Variants in PREX1 observed in about 807,000 individuals in gnomAD.
PREX1 encodes the protein phosphatidylinositol-3,4,5-trisphosphate dependent Rac exchange factor 1.
Under a neutral mutation model 198.3 loss-of-function variants are expected in PREX1, and 41 were observed. The observed-to-expected ratio is 0.21, with a 90% CI of 0.16 to 0.27. The LOEUF is 0.27. PREX1 is among the 10% of genes least tolerant of loss of function. The pLI is 1.00. For missense variants in PREX1, 1,620 were observed against 2,200.7 expected (o/e 0.74, Z 5.28); for synonymous variants, 843 against 887.2 (o/e 0.95, Z 0.89).
At chr20:48,636,967 G>C (rs1294528618) in intron 31 of PREX1, among the ~76,000 whole-genome samples, 1 of 152,200 alleles carries the variant, frequency 6.6e-6, no homozygotes, top group African/African-American at 2.4e-5. Flanking sequence ...TTTTCCTAAG[G>C]GTTTCCCAAG....
At chr20:48,745,001 CA>C in intron 3 of PREX1, 23 bp downstream of exon 3, 1 of 1,611,636 alleles carries the variant, frequency 6.2e-7, no homozygotes. Flanking sequence ...TAGAGTCCAC[CA>C]GGGGCAGTGG....
intron 1 of PREX1, among the ~76,000 whole-genome samples, chr20:48,799,918 C>A (rs930948373): frequency 1.3e-5 from 2 of 152,034 alleles, no homozygotes; most frequent in Non-Finnish European, 2.9e-5. Flanking sequence ...TGCCTCTGCG[C>A]CAGGGGCCAG....
the PREX1 span, among the ~76,000 whole-genome samples, chr20:48,835,422 T>G: frequency 6.6e-6 from 1 of 151,984 alleles, no homozygotes; most frequent in Non-Finnish European, 1.5e-5. Flanking sequence ...GTTGACAGAG[T>G]CAGCCAGATC....
intron 37 of PREX1, among the ~76,000 whole-genome samples, chr20:48,628,332 G>A (rs1488634730): frequency 6.6e-6 from 1 of 152,182 alleles, no homozygotes; most frequent in Non-Finnish European, 1.5e-5. Context: ...GGTTTGAGAT[G>A]GACACATCGA....
intron 1 of PREX1, among the ~76,000 whole-genome samples, chr20:48,755,118 A>G (rs1003184666): frequency 6.6e-6 from 1 of 152,248 alleles, no homozygotes; most frequent in Non-Finnish European, 1.5e-5. Context: ...AGGAATGATC[A>G]TGCTAAAAAT....
intron 1 of PREX1, among the ~76,000 whole-genome samples, chr20:48,787,161 G>A (rs2090316899): frequency 6.6e-6 from 1 of 152,140 alleles, no homozygotes; most frequent in African/African-American, 2.4e-5. Context: ...GGGCGACAGT[G>A]CCCACCGCCC....
chr20:48,666,405 C>T lies in PREX1; in HGVS notation c.1666-50G>A, dbSNP rs1431668182. 2.8e-6 allele frequency: 4 copies of T among 1,451,370 alleles called. No homozygotes were observed. The highest frequency in any genetic ancestry group is 3.8e-6 in the Non-Finnish European group (4 of 1,063,560). The allele number at this position is 1,451,370 out of a possible 1,614,324, so 89.9% of individuals were successfully genotyped here. The stretch of plus-strand genomic sequence containing the variant: ...GTGTTAGGTGGCAGCATCCGAGAGG[C>T]CATGCATGGCCAACGAGAAGCCCAC... On this transcript the variant is annotated intron_variant, in intron 14 of 39. Coordinates refer to ENST00000371941, the MANE Select transcript of PREX1 (RefSeq NM_020820.4). This position sits in a 1 kb window ranked among gnomAD's most constrained non-coding sequence, Gnocchi z 4.3.
intron 5 of PREX1, among the ~76,000 whole-genome samples, 172 bp from the exon 6 acceptor site, chr20:48,708,593 TC>T (rs2089914540): frequency 1.3e-5 from 2 of 152,100 alleles, no homozygotes; most frequent in South Asian, 4.1e-4. Flanking sequence ...GAATCCAATG[TC>T]AAGCAGTGGT....
rs563559243 is a variant in PREX1, at chr20:48,827,393, G to A, written c.219+249C>T. On this transcript the variant is annotated intron_variant, in intron 1 of 39. Transcript: ENST00000371941. The surrounding 1 kb of genome is among the most constrained non-coding windows in gnomAD (Gnocchi z 4.1). Reference sequence around the variant, plus strand: ...CGGGGACGGGGAAGAAAAGACAAAAGGGCAGCGCGCGCCGCGGGGAAGTGG... The same window carrying A: ...CGGGGACGGGGAAGAAAAGACAAAAAGGCAGCGCGCGCCGCGGGGAAGTGG... Among the ~76,000 whole-genome samples, 2 of 152,324 alleles carry A rather than the reference G, an allele frequency of 1.3e-5. No homozygotes were observed. Among genetic ancestry groups the A allele is most frequent in the East Asian group, 1.9e-4 (1 of 5,170 alleles).
intron 4 of PREX1, among the ~76,000 whole-genome samples, chr20:48,728,019 T>C (rs1601100033): frequency 6.6e-6 from 1 of 152,138 alleles, no homozygotes; most frequent in African/African-American, 2.4e-5. Flanking sequence ...ACTAACCAAC[T>C]AACTAATGAA....
chr20:48,656,757 T>C (rs1171013133), intron 18 of PREX1, among the ~76,000 whole-genome samples: 3 of 152,168 alleles, frequency 2.0e-5, no homozygotes, highest in African/African-American at 7.2e-5. Context: ...TATCTGCACA[T>C]TGTCTGTCTC....
chr20:48,786,738 CTG>C (rs2090313946), intron 1 of PREX1, among the ~76,000 whole-genome samples: 1 of 134,016 alleles, frequency 7.5e-6, no homozygotes, highest in African/African-American at 2.8e-5. Flanking sequence ...AAGCAAGACT[CTG>C]TCAAAAAAAA....
chr20:48,624,972 C>T lies in PREX1; in HGVS notation c.*913G>A, dbSNP rs375973497. On this transcript the variant is annotated 3_prime_UTR_variant, in exon 40 of 40. Coordinates refer to ENST00000371941, the MANE Select transcript of PREX1 (RefSeq NM_020820.4). ...GGGGAAGGAATCACAGTCGATACCTCAAAACGACACCTTACAACCCTAATA... is the reference window on the plus strand; with the variant it reads ...GGGGAAGGAATCACAGTCGATACCTTAAAACGACACCTTACAACCCTAATA... 1.1e-3 allele frequency: 166 copies of T among 152,556 alleles called. No homozygotes were observed. The highest frequency in any genetic ancestry group is 3.8e-3 in the African/African-American group (156 of 41,546). 9.5% of individuals were successfully genotyped at this position (152,556 alleles called of 1,614,324 possible).
chr20:48,676,235 T>C lies in PREX1; in HGVS notation c.1623A>G (p.Ser541=), dbSNP rs770917770. The C allele has an allele frequency of 1.2e-6, 2 of 1,614,078 alleles. No homozygotes were observed. Among genetic ancestry groups the C allele is most frequent in the Non-Finnish European group, 1.7e-6 (2 of 1,179,976 alleles). ...DRDYHLKTYK[S]VLPGSKLVDW... ...CCACCAGCTTGCTCCCGGGAAGCAC[T>C]GACTTGTAGGTCTTCAGGTGGTAAT... Residue 541 remains serine (S), a synonymous_variant, in exon 14 of 40, where the codon TCA becomes TCG. Transcript: ENST00000371941.
intron 5 of PREX1, among the ~76,000 whole-genome samples, chr20:48,724,928 T>C (rs1239783947): frequency 2.0e-5 from 3 of 152,228 alleles, no homozygotes; most frequent in African/African-American, 7.2e-5. Context: ...ATCGAAGCCA[T>C]GGCAACAACA....
chr20:48,694,161 C>G (rs933500724), intron 7 of PREX1, among the ~76,000 whole-genome samples: 3 of 152,162 alleles, frequency 2.0e-5, no homozygotes, highest in African/African-American at 7.2e-5. Flanking sequence ...ATCCACCCCC[C>G]TCGGCCTCCC....
chr20:48,776,739 G>A (rs112364712), intron 1 of PREX1, among the ~76,000 whole-genome samples: 24 of 152,130 alleles, frequency 1.6e-4, no homozygotes, highest in African/African-American at 2.7e-4. Flanking sequence ...CCTACTATGC[G>A]GGCACACGTG....
At chr20:48,810,039 T>C (rs2090427381) in intron 1 of PREX1, among the ~76,000 whole-genome samples, 1 of 152,162 alleles carries the variant, frequency 6.6e-6, no homozygotes, top group Non-Finnish European at 1.5e-5. Context: ...AAAACCCCTA[T>C]AGGAGCTGGG....
chr20:48,863,808 CCT>C, the PREX1 span, among the ~76,000 whole-genome samples: 1 of 152,018 alleles, frequency 6.6e-6, no homozygotes, highest in African/African-American at 2.4e-5. Flanking sequence ...GTCTCAAACT[CCT>C]GACCTCAGGT....
Sources: gnomAD v4.1 joint callset for allele counts (sites outside exome capture counted in the v4.1 genomes callset) on GRCh38, gnomAD v4.1.1 for gene constraint, Gnocchi (gnomAD v3.1) non-coding constraint, MANE v1.5 for transcripts, NCBI Gene and HGNC (gene_info 2026-07-23, HGNC 2026-07-21) for gene names.